The following CALN1 variants were observed in gnomAD, a reference collection of about 807,000 sequenced individuals.
CALN1 encodes calneuron 1, also known as calcium-binding protein 8.
A neutral mutation model predicts 30.6 loss-of-function variants in CALN1; 17 were observed. The ratio of observed to expected loss-of-function variants is 0.56; its 90% confidence interval spans 0.38 to 0.83. The LOEUF (loss-of-function observed/expected upper bound fraction) is 0.83, where lower values mean the gene tolerates loss of function less well. Among genes scored for constraint, CALN1 ranks in the 40% least tolerant of loss-of-function variants. CALN1 has a pLI of 0.00. For synonymous variants in CALN1, 156 were observed against 131.4 expected, an observed-to-expected ratio of 1.19 and a Z score of -1.28; for missense variants, 291 against 354.9, an observed-to-expected ratio of 0.82 and a Z score of 1.45.
chr7:72,478,887 C>CTTTTTTTTTTTTTTTTTTTTT, the CALN1 span, among the ~76,000 whole-genome samples: 4 of 139,376 alleles, frequency 2.9e-5, 1 homozygote, highest in African/African-American at 1.2e-4. Flanking sequence ...CGAACCACTT[C>CTTTTTTTTTTTTTTTTTTTTT]TTTTTTTTTT....
chr7:72,296,771 A>G (rs1214657833), intron 2 of CALN1, among the ~76,000 whole-genome samples: 1 of 150,600 alleles, frequency 6.6e-6, no homozygotes, highest in Non-Finnish European at 1.5e-5. Flanking sequence ...TAGTCTTGCT[A>G]GCGGTCTATC....
At chr7:72,003,393 G>A (rs527258286) in intron 5 of CALN1, among the ~76,000 whole-genome samples, 60 of 152,236 alleles carry the variant, frequency 3.9e-4, no homozygotes, top group African/African-American at 1.3e-3. Context: ...CCCAACTCCC[G>A]GGCCATGGAC....
At chr7:72,487,738 G>GA in the CALN1 span, among the ~76,000 whole-genome samples, 7 of 43,202 alleles carry the variant, frequency 1.6e-4, no homozygotes, top group Non-Finnish European at 2.8e-4. Flanking sequence ...AGAAAGAAAG[G>GA]AAGGAAGGAA....
At chr7:72,187,804 A>G (rs970969474) in intron 3 of CALN1, among the ~76,000 whole-genome samples, 6 of 152,176 alleles carry the variant, frequency 3.9e-5, no homozygotes, top group Non-Finnish European at 7.3e-5. Flanking sequence ...TGGCTCTCTC[A>G]GTGAATGCCT....
intron 2 of CALN1, among the ~76,000 whole-genome samples, chr7:72,381,230 T>C (rs1279139131): frequency 6.6e-6 from 1 of 152,204 alleles, no homozygotes; most frequent in East Asian, 1.9e-4. Context: ...GCTTTTACAC[T>C]GTTGGTGAGA....
chr7:72,468,475 G>A, the CALN1 span, among the ~76,000 whole-genome samples: 49,179 of 152,004 alleles, frequency 0.32, 9,361 homozygotes, highest in Middle Eastern at 0.44. Context: ...CAACACTACC[G>A]GTTAATTTTT....
At chr7:71,803,225 T>C (rs754102179) in intron 6 of CALN1, among the ~76,000 whole-genome samples, 1 of 152,052 alleles carries the variant, frequency 6.6e-6, no homozygotes, top group African/African-American at 2.4e-5. Context: ...TGAATTCATA[T>C]GCACAAAGCA....
chr7:72,334,736 T>C (rs1273865988), intron 2 of CALN1, among the ~76,000 whole-genome samples: 1 of 152,254 alleles, frequency 6.6e-6, no homozygotes, highest in Non-Finnish European at 1.5e-5. Context: ...TTAGCTCTCC[T>C]CCAATAAAAT....
chr7:72,481,010 T>C, the CALN1 span, among the ~76,000 whole-genome samples: 1 of 152,282 alleles, frequency 6.6e-6, no homozygotes, highest in South Asian at 2.1e-4. Context: ...TGGAGTACAA[T>C]GGTGCGATCT....
intron 5 of CALN1, among the ~76,000 whole-genome samples, chr7:71,826,480 G>T (rs1562814835): frequency 6.6e-6 from 1 of 152,188 alleles, no homozygotes; most frequent in Non-Finnish European, 1.5e-5. Flanking sequence ...CCAGGAAGGT[G>T]CTTTGACCTG....
At chr7:72,092,625 TAAAAAAAAA>T (rs369445548) in intron 4 of CALN1, among the ~76,000 whole-genome samples, 1 of 106,240 alleles carries the variant, frequency 9.4e-6, no homozygotes, top group African/African-American at 3.7e-5. Flanking sequence ...TGTATTCTAG[TAAAAAAAAA>T]AAAAAAAAAA....
intron 5 of CALN1, among the ~76,000 whole-genome samples, chr7:71,998,720 C>A (rs138469550): frequency 1.3e-5 from 2 of 152,124 alleles, no homozygotes; most frequent in South Asian, 2.1e-4. Flanking sequence ...ACATGCCCAG[C>A]TAATTTTTGT....
chr7:71,814,701 G>A (rs1025816723), intron 5 of CALN1, among the ~76,000 whole-genome samples: 14 of 152,002 alleles, frequency 9.2e-5, no homozygotes, highest in African/African-American at 2.9e-4. Context: ...CCTTTATGAT[G>A]ATCCATTTCC....
At chr7:72,351,587 T>A (rs939204194) in intron 2 of CALN1, among the ~76,000 whole-genome samples, 2 of 152,166 alleles carry the variant, frequency 1.3e-5, no homozygotes, top group African/African-American at 4.8e-5. Flanking sequence ...AAATATACTA[T>A]TAAAAGATAG....
At chr7:72,205,729 G>A (rs1294750672) in intron 3 of CALN1, among the ~76,000 whole-genome samples, 1 of 150,312 alleles carries the variant, frequency 6.7e-6, no homozygotes, top group African/African-American at 2.5e-5. Context: ...TGACTTTGGG[G>A]TTAAACTTGA....
intron 3 of CALN1, among the ~76,000 whole-genome samples, chr7:72,188,170 C>T (rs1262284728): frequency 6.6e-6 from 1 of 151,796 alleles, no homozygotes; most frequent in Non-Finnish European, 1.5e-5. Context: ...GATACTGGCA[C>T]ACGCATGTTT....
chr7:71,791,771 A>T (rs1486918266), intron 6 of CALN1, among the ~76,000 whole-genome samples: 1 of 152,186 alleles, frequency 6.6e-6, no homozygotes, highest in African/African-American at 2.4e-5. Context: ...GCACTTTGGG[A>T]GGCCGAGGCG....
chr7:72,164,765 T>C (rs1424003361), intron 3 of CALN1, among the ~76,000 whole-genome samples: 1 of 152,138 alleles, frequency 6.6e-6, no homozygotes, highest in African/African-American at 2.4e-5. Flanking sequence ...TAACCTTGAA[T>C]TTCTCCTCCC....
intron 2 of CALN1, among the ~76,000 whole-genome samples, chr7:72,316,014 G>A (rs932474037): frequency 6.6e-6 from 1 of 152,042 alleles, no homozygotes; most frequent in Non-Finnish European, 1.5e-5. Context: ...AGCCAGGCAT[G>A]GTGGCAGGCA....
Sources: gnomAD v4.1 joint callset for allele counts (sites outside exome capture counted in the v4.1 genomes callset) on GRCh38, gnomAD v4.1.1 for gene constraint, MANE v1.5 for transcripts, NCBI Gene and HGNC (gene_info 2026-07-23, HGNC 2026-07-21) for gene names.